AMOT: variants seen among roughly 807,000 people sequenced by gnomAD.
The protein encoded by AMOT is angiomotin.
In AMOT, 11 loss-of-function variants were observed where a neutral mutation model predicts 67.0. The ratio of observed to expected loss-of-function variants is 0.16; its 90% CI spans 0.10 to 0.27. AMOT has a LOEUF of 0.27. Ranked by LOEUF, AMOT falls within the 10% of genes least tolerant of loss-of-function variation. The probability of loss-of-function intolerance (pLI) is 1.00; values close to 1 mark genes in which losing one functional copy is unlikely to be tolerated. For synonymous variants in AMOT, 326 were observed against 321.4 expected (o/e 1.01, Z -0.15); for missense variants, 753 against 852.0 (o/e 0.88, Z 1.45).
chrX:112,829,248 G>A (rs953988801), intron 2 of AMOT, among the ~76,000 whole-genome samples: 1 of 111,671 alleles, frequency 9.0e-6, no homozygotes, highest in Non-Finnish European at 1.9e-5. Context: ...GTGAGGTTTG[G>A]TGGGAGGTGA....
intron 10 of AMOT, among the ~76,000 whole-genome samples, chrX:112,787,654 T>C (rs1260357815): frequency 9.0e-6 from 1 of 111,295 alleles, no homozygotes; most frequent in East Asian, 2.8e-4. Context: ...TTTTTTAATA[T>C]GTAACCAATA....
At chrX:112,816,252 T>G in intron 4 of AMOT, among the ~76,000 whole-genome samples, 1 of 111,683 alleles carries the variant, frequency 9.0e-6, no homozygotes, top group Non-Finnish European at 1.9e-5. Flanking sequence ...TATTTTAAAT[T>G]AAACCTTTTC....
At chrX:112,810,991 G>A (rs1934345370) in intron 6 of AMOT, among the ~76,000 whole-genome samples, 1 of 111,986 alleles carries the variant, frequency 8.9e-6, no homozygotes, top group Non-Finnish European at 1.9e-5. Flanking sequence ...AGGAGTCCCA[G>A]CAGGGATCCT....
intron 7 of AMOT, among the ~76,000 whole-genome samples, chrX:112,805,357 A>C (rs978075480): frequency 1.1e-5 from 1 of 90,019 alleles, no homozygotes; most frequent in African/African-American, 3.9e-5. Flanking sequence ...ATTATTAGGC[A>C]TTATACAAAG....
intron 8 of AMOT, among the ~76,000 whole-genome samples, chrX:112,795,784 C>A (rs935039940): frequency 9.0e-6 from 1 of 110,858 alleles, no homozygotes; most frequent in Non-Finnish European, 1.9e-5. Context: ...TAAAATTTCA[C>A]CTGAAAAAAC....
intron 13 of AMOT, 40 bp from the exon 14 acceptor site, chrX:112,778,704 G>GA (rs1933003244): frequency 4.5e-6 from 5 of 1,100,082 alleles, no homozygotes; most frequent in South Asian, 2.0e-5. Flanking sequence ...TAGGGATGAA[G>GA]AAAAAACCCA....
intron 1 of AMOT, among the ~76,000 whole-genome samples, chrX:112,838,566 A>G (rs1935192798): frequency 8.9e-6 from 1 of 112,566 alleles, no homozygotes; most frequent in Admixed American, 9.4e-5. Flanking sequence ...AAGAAAAAGC[A>G]ACTCTACAAA....
At chrX:112,805,370 TACACAC>T (rs55909349) in intron 7 of AMOT, among the ~76,000 whole-genome samples, 13,989 of 89,205 alleles carry the variant, frequency 0.16, 905 homozygotes, top group Non-Finnish European at 0.18. Flanking sequence ...ATACAAAGAA[TACACAC>T]ACACACACAC....
chrX:112,829,229 T>C (rs1353609738), intron 2 of AMOT, among the ~76,000 whole-genome samples: 1 of 111,702 alleles, frequency 9.0e-6, no homozygotes, highest in Non-Finnish European at 1.9e-5. Context: ...CCAAATCTCA[T>C]GTTGAATTGT....
rs3214224 is a variant in AMOT, at chrX:112,791,366, G to GA, written c.1926+465dup. Among the ~76,000 whole-genome samples the GA allele has an allele frequency of 8.2e-3, 885 of 108,315 alleles. 11 individuals carry two copies. The highest frequency in any genetic ancestry group is 0.028 in the African/African-American group (823 of 29,805). The allele number at this position is 108,315 out of a possible 115,157, so 94.1% of individuals were successfully genotyped here. A position where few individuals can be genotyped will look rare whatever the true frequency, so the allele number is the denominator to read the frequency against. On this transcript the variant is annotated intron_variant, in intron 9 of 13. Transcript: ENST00000371959. ...ATCACGCCACTGCACTCAGTCTCAAGAAAAAAAAAATCTAGGATTTAGATC... is the reference window on the plus strand; with the variant it reads ...ATCACGCCACTGCACTCAGTCTCAAGAAAAAAAAAAATCTAGGATTTAGATC...
intron 4 of AMOT, among the ~76,000 whole-genome samples, chrX:112,821,521 T>C (rs894485816): frequency 8.9e-6 from 1 of 111,807 alleles, no homozygotes; most frequent in Non-Finnish European, 1.9e-5. Flanking sequence ...CAACTAAATA[T>C]ATAAGACAGA....
At chrX:112,787,704 T>C (rs1452213577) in intron 10 of AMOT, among the ~76,000 whole-genome samples, 1 of 111,540 alleles carries the variant, frequency 9.0e-6, no homozygotes. Flanking sequence ...CTACCATTGA[T>C]ACCATCCAAG....
intron 8 of AMOT, among the ~76,000 whole-genome samples, chrX:112,797,910 A>G (rs1933888809): frequency 9.0e-6 from 1 of 111,385 alleles, no homozygotes; most frequent in Non-Finnish European, 1.9e-5. Flanking sequence ...GAAAGAAAGA[A>G]AGAAAGAAAG....
chrX:112,814,642 G>A (rs1453395857), intron 5 of AMOT, among the ~76,000 whole-genome samples: 1 of 112,230 alleles, frequency 8.9e-6, no homozygotes, highest in African/African-American at 3.2e-5. Flanking sequence ...TCCCAATGGG[G>A]GTGGGCAGAG....
intron 7 of AMOT, among the ~76,000 whole-genome samples, chrX:112,807,950 C>T (rs1934243673): frequency 8.9e-6 from 1 of 111,911 alleles, no homozygotes; most frequent in Non-Finnish European, 1.9e-5. Flanking sequence ...GACCATGACA[C>T]ATGTAGTTAT....
intron 7 of AMOT, 150 bp downstream of exon 7, chrX:112,809,744 C>T (rs1339852856): frequency 2.2e-6 from 1 of 462,151 alleles, no homozygotes; most frequent in Non-Finnish European, 3.6e-6. Context: ...CAGAATCTTC[C>T]AACTTCATGC....
intron 8 of AMOT, among the ~76,000 whole-genome samples, chrX:112,796,344 A>G (rs619875): frequency 0.098 from 10,921 of 111,826 alleles, 1,320 homozygotes; most frequent in African/African-American, 0.34. Flanking sequence ...CACTTAAAGA[A>G]TTTCCAAAGC....
At chrX:112,805,656 GA>G (rs1934156304) in intron 7 of AMOT, among the ~76,000 whole-genome samples, 1 of 111,687 alleles carries the variant, frequency 9.0e-6, no homozygotes, top group Non-Finnish European at 1.9e-5. Flanking sequence ...CCTCTCCACG[GA>G]AAACCTAACC....
At chrX:112,793,150 A>C (rs1473396753) in intron 8 of AMOT, among the ~76,000 whole-genome samples, 1 of 110,819 alleles carries the variant, frequency 9.0e-6, no homozygotes, top group Non-Finnish European at 1.9e-5. Context: ...AATTCTTCCA[A>C]GTGGGTCACA....
Sources: gnomAD v4.1 joint callset for allele counts (sites outside exome capture counted in the v4.1 genomes callset) on GRCh38, gnomAD v4.1.1 for gene constraint, MANE v1.5 for transcripts, NCBI Gene and HGNC (gene_info 2026-07-23, HGNC 2026-07-21) for gene names.